CIMIP7: variants seen among roughly 807,000 people sequenced by gnomAD.
CIMIP7 encodes uncharacterized protein C3orf84.
At chr3:49,180,093 T>C in the CIMIP7 span, among the ~76,000 whole-genome samples, 1 of 152,124 alleles carries the variant, frequency 6.6e-6, no homozygotes, top group Non-Finnish European at 1.5e-5. Context: ...GCCAACATGG[T>C]GAAACCCCGT....
At chr3:49,191,367 G>A in the CIMIP7 span, among the ~76,000 whole-genome samples, 120,185 of 152,226 alleles carry the variant, frequency 0.79, 47,839 homozygotes, top group East Asian at 0.99. Flanking sequence ...TCTTCCAGGC[G>A]TGGGGCTGAG....
chr3:49,178,056 C>G, the CIMIP7 span: 1 of 1,588,680 alleles, frequency 6.3e-7, no homozygotes, highest in Non-Finnish European at 8.5e-7. Context: ...AGGGACCCTC[C>G]TCAACGGTAT....
the CIMIP7 span, among the ~76,000 whole-genome samples, chr3:49,181,349 A>G: frequency 2.1e-4 from 32 of 150,910 alleles, no homozygotes; most frequent in African/African-American, 7.5e-4. Flanking sequence ...CCAAGAAAAA[A>G]AAAAAAAAAA....
the CIMIP7 span, among the ~76,000 whole-genome samples, chr3:49,180,290 G>A: frequency 3.5e-4 from 54 of 152,278 alleles, 1 homozygote; most frequent in South Asian, 6.2e-4. Flanking sequence ...AGGGACAGAA[G>A]GTCCTGGCCC....
chr3:49,181,393 G>A, the CIMIP7 span, among the ~76,000 whole-genome samples: 4 of 149,850 alleles, frequency 2.7e-5, no homozygotes, highest in East Asian at 2.0e-4. Flanking sequence ...GCTTACACCC[G>A]TAATCCCAGG....
At chr3:49,183,284 C>T in the CIMIP7 span, among the ~76,000 whole-genome samples, 1 of 152,228 alleles carries the variant, frequency 6.6e-6, no homozygotes, top group Non-Finnish European at 1.5e-5. Context: ...GAGACAACAT[C>T]AGGTATTGGT....
chr3:49,177,824 G>C, the CIMIP7 span: 2 of 1,613,024 alleles, frequency 1.2e-6, no homozygotes, highest in South Asian at 2.2e-5. Context: ...AAGTTCTGCT[G>C]GTAGGTGGTC....
the CIMIP7 span, among the ~76,000 whole-genome samples, chr3:49,178,921 C>G: frequency 6.6e-6 from 1 of 152,132 alleles, no homozygotes; most frequent in South Asian, 2.1e-4. Flanking sequence ...ATCAACATAC[C>G]CAGCCTCTTG....
At chr3:49,189,819 C>A in the CIMIP7 span, 4 of 720,318 alleles carry the variant, frequency 5.6e-6, no homozygotes, top group South Asian at 4.1e-5. Flanking sequence ...CTAGAAGGGG[C>A]AGTGAGCAAT....
chr3:49,179,632 A>C, the CIMIP7 span, among the ~76,000 whole-genome samples: 1 of 152,082 alleles, frequency 6.6e-6, no homozygotes, highest in South Asian at 2.1e-4. Context: ...TTCCTTGAGC[A>C]CTAGGCCAAT....
At chr3:49,190,425 G>C in the CIMIP7 span, among the ~76,000 whole-genome samples, 18 of 152,200 alleles carry the variant, frequency 1.2e-4, no homozygotes, top group East Asian at 2.5e-3. Context: ...TTTGTGGGCA[G>C]GGCCACTGAT....
chr3:49,184,924 C>T, the CIMIP7 span, among the ~76,000 whole-genome samples: 2 of 151,806 alleles, frequency 1.3e-5, no homozygotes, highest in Non-Finnish European at 2.9e-5. Flanking sequence ...CCACTGCGCC[C>T]GACCTATAAC....
the CIMIP7 span, chr3:49,177,812 A>G: frequency 6.2e-7 from 1 of 1,612,758 alleles, no homozygotes. Context: ...GATGGGCAGC[A>G]GAAGTTCTGC....
chr3:49,188,339 G>T, the CIMIP7 span, among the ~76,000 whole-genome samples: 1 of 152,162 alleles, frequency 6.6e-6, no homozygotes, highest in Non-Finnish European at 1.5e-5. Context: ...AGGTGCAGTG[G>T]GTGGTACCTG....
At chr3:49,186,611 G>A in the CIMIP7 span, among the ~76,000 whole-genome samples, 1 of 152,140 alleles carries the variant, frequency 6.6e-6, no homozygotes, top group East Asian at 1.9e-4. Flanking sequence ...CACCATGTTA[G>A]CCAGGATGGT....
At chr3:49,191,189 T>A in the CIMIP7 span, among the ~76,000 whole-genome samples, 1 of 152,180 alleles carries the variant, frequency 6.6e-6, no homozygotes, top group Non-Finnish European at 1.5e-5. Flanking sequence ...GAACCCATCC[T>A]AAGCCTGCCC....
At chr3:49,178,533 C>T in the CIMIP7 span, 163,588 of 1,612,176 alleles carry the variant, frequency 0.1, 8,769 homozygotes, top group Non-Finnish European at 0.11. Flanking sequence ...GTCGCTGCGC[C>T]GGCTCCTTGA....
chr3:49,178,074 T>G, the CIMIP7 span: 6 of 1,550,518 alleles, frequency 3.9e-6, no homozygotes, highest in Non-Finnish European at 5.2e-6. Context: ...TATGGGCCCT[T>G]GGCCCACATT....
chr3:49,182,574 A>G, the CIMIP7 span, among the ~76,000 whole-genome samples: 14 of 152,328 alleles, frequency 9.2e-5, no homozygotes, highest in Admixed American at 7.2e-4. Flanking sequence ...CCAAGTCCCC[A>G]CCAGACTCAG....
Sources: allele counts gnomAD v4.1 joint callset (sites outside exome capture counted in the v4.1 genomes callset), GRCh38; gene constraint gnomAD v4.1.1; transcripts MANE v1.5; gene names NCBI Gene and HGNC (gene_info 2026-07-23, HGNC 2026-07-21).